SH2D2A: variants seen among roughly 807,000 people sequenced by gnomAD.
The protein encoded by SH2D2A is SH2 domain containing 2A.
In SH2D2A, 33 loss-of-function variants were observed where a neutral mutation model predicts 43.6. The observed-to-expected ratio is 0.76, with a 90% CI of 0.57 to 1.01. SH2D2A has a LOEUF of 1.01. Ranked by LOEUF, SH2D2A falls within the 50% of genes least tolerant of loss-of-function variation. SH2D2A has a pLI of 0.00. For missense variants in SH2D2A, 491 were observed against 503.1 expected (o/e 0.98, Z 0.23); for synonymous variants, 212 against 206.1 (o/e 1.03, Z -0.25).
intron 1 of SH2D2A, 37 bp downstream of exon 1, chr1:156,816,638 G>A (rs761379934): frequency 6.3e-7 from 1 of 1,589,158 alleles, no homozygotes; most frequent in East Asian, 2.3e-5. Context: ...GGGTCTTTGT[G>A]CCCCCTCCCA....
Position 156,813,851 on chromosome 1 carries a change from T to A in SH2D2A, c.564A>T (p.Arg188=). ...YGETLTEPLA[R]QTPEPAGLSL... Reference sequence around the variant, plus strand: ...GGTCAGGGTCTGGGGCGCGTACCTGTCGGGCGAGGGGCTCGGTGAGCGTCT... The same window carrying A: ...GGTCAGGGTCTGGGGCGCGTACCTGACGGGCGAGGGGCTCGGTGAGCGTCT... Residue 188 remains arginine (R), a synonymous_variant, in exon 5 of 9, where the codon CGA becomes CGT. Coordinates refer to ENST00000368199, the MANE Select transcript of SH2D2A (RefSeq NM_003975.4). 3 of 1,482,836 alleles carry A rather than the reference T, an allele frequency of 2.0e-6. No individual in the cohort carries two copies. The highest frequency in any genetic ancestry group is 2.7e-6 in the Non-Finnish European group (3 of 1,116,286). The allele number at this position is 1,482,836 out of a possible 1,614,324, so 91.9% of individuals were successfully genotyped here.
Position 156,814,953 on chromosome 1 carries a change from T to C in SH2D2A, c.308+84A>G, listed in dbSNP as rs930610580. ...TCCAGACTGGTAGAAGTGGGAGCCT[T>C]CATCTATTCCTGGCAGGTGGCAGGA... On this transcript the variant is annotated intron_variant, in intron 3 of 8. Transcript: ENST00000368199. 2.4e-6 allele frequency: 3 copies of C among 1,234,086 alleles called. No homozygotes were observed. The African/African-American group carries it at 4.7e-5, about 19-fold the overall frequency. 76.4% of individuals were successfully genotyped at this position (1,234,086 alleles called of 1,614,324 possible).
rs575062853 is a variant in SH2D2A, at chr1:156,806,813, T to C, written c.*4-240A>G. ...TCACTGTCCCTCTCAGGCTATGTTT[T>C]CTTCTCCGCATAGTGAGGGAGCTGA... is the stretch of plus-strand genomic sequence containing the variant. On this transcript the variant is annotated intron_variant, in intron 8 of 8. Transcript: ENST00000368199. Among the ~76,000 whole-genome samples, 28 of 152,346 alleles carry C rather than the reference T, an allele frequency of 1.8e-4. 1 individual carries two copies. The South Asian group carries it at 5.8e-3, about 32-fold the overall frequency.
rs1264089584 is a variant in SH2D2A at position 156,815,939 on chromosome 1, C to T, written c.123+67G>A. 3.1e-6 allele frequency: 5 copies of T among 1,606,290 alleles called. No homozygotes were observed. In the African/African-American group the frequency reaches 6.7e-5, roughly 22 times the overall value. On this transcript the variant is annotated intron_variant, in intron 2 of 8. Coordinates refer to ENST00000368199, the MANE Select transcript of SH2D2A (RefSeq NM_003975.4). ...AGTGGCCTTTGTCCATCTGCAAGTC[C>T]TTCCCCATGGGAGGGTGGGAGAGAT...
chr1:156,814,926 A>G, intron 3 of SH2D2A, 111 bp downstream of exon 3: 1 of 989,656 alleles, frequency 1.0e-6, no homozygotes, highest in Non-Finnish European at 1.4e-6. Flanking sequence ...GCCTCCATCT[A>G]CTCCAGACTG....
Position 156,809,114 on chromosome 1 carries a change from G to T in SH2D2A, c.1002+89C>A. 7.4e-7 allele frequency: 1 copy of T among 1,359,428 alleles called. No homozygotes were observed. The highest frequency in any genetic ancestry group is 1.0e-6 in the Non-Finnish European group (1 of 985,376). 84.2% of individuals were successfully genotyped at this position (1,359,428 alleles called of 1,614,324 possible). ...CACCTCTGCCCCTTACCCTGCCCCA[G>T]GCATCCACTCTGAACACCTTCTTCA... On this transcript the variant is annotated intron_variant, in intron 7 of 8. Transcript: ENST00000368199. The surrounding 1 kb of genome is among the most constrained non-coding windows in gnomAD (Gnocchi z 4.8).
At chr1:156,814,049 C>T in intron 4 of SH2D2A, 33 bp from the exon 5 acceptor site, 1 of 1,491,996 alleles carries the variant, frequency 6.7e-7, no homozygotes, top group Non-Finnish European at 8.9e-7. Flanking sequence ...AGACTATCTC[C>T]CGCTCCTCGG....
At position 156,809,752 on chromosome 1, in the gene SH2D2A, T is replaced by C; in HGVS notation, c.623A>G (p.Lys208Arg). 1 of 1,614,098 alleles carries C rather than the reference T, an allele frequency of 6.2e-7. No homozygotes were observed. The highest frequency in any genetic ancestry group is 8.5e-7 in the Non-Finnish European group (1 of 1,180,004). ...LRTEESNFGS[K>R]SQDPNPQYSP... ...GTACTGGGGGTTTGGGTCCTGGCTT[T>C]TGCTTCCAAAGTTTGATTCTTCGGT... Residue 208 changes from lysine (K) to arginine (R), a missense_variant, in exon 6 of 9, where the codon AAA becomes AGA. Physicochemically the swap from Lys to Arg is conservative, Grantham distance 26 (BLOSUM62 2). Coordinates refer to ENST00000368199, the MANE Select transcript of SH2D2A (RefSeq NM_003975.4). The surrounding 1 kb of genome is among the most constrained non-coding windows in gnomAD (Gnocchi z 4.8).
rs751239819 is a variant in SH2D2A, at chr1:156,809,359, C to T, written c.846G>A (p.Glu282=). 3.1e-6 allele frequency: 5 copies of T among 1,614,096 alleles called. No individual in the cohort carries two copies. Among genetic ancestry groups the T allele is most frequent in the South Asian group, 1.1e-5 (1 of 91,074 alleles). ...RPKPSNPIYN[E]PDEPIAFYAM... ...CATAGAAAGCTATGGGTTCATCAGG[C>T]TCATTGTAGATAGGATTGGAGGGCT... The change falls in exon 7 of 9, where the codon GAG becomes GAA. Residue 282 remains glutamate, a synonymous_variant. Transcript: ENST00000368199. The surrounding 1 kb of genome is among the most constrained non-coding windows in gnomAD (Gnocchi z 4.8).
In SH2D2A at chr1:156,809,700, G is replaced by A. The variant is rs1441379381; in HGVS notation, c.675C>T (p.Ala225=). The A allele has an allele frequency of 6.2e-7, 1 of 1,613,876 alleles. No homozygotes were observed. Among genetic ancestry groups the A allele is most frequent in the East Asian group, 2.2e-5 (1 of 44,878 alleles). The change falls in exon 6 of 9, where the codon GCC becomes GCT. Residue 225 remains alanine, a synonymous_variant. Transcript: ENST00000368199. This position sits in a 1 kb window ranked among gnomAD's most constrained non-coding sequence, Gnocchi z 4.8. ...CCCCCTCTTTCTGCATCGGGACTGGGGCTTGCCCCTGTTTGATGATTGGGC... is the reference window on the plus strand; with the variant it reads ...CCCCCTCTTTCTGCATCGGGACTGGAGCTTGCCCCTGTTTGATGATTGGGC... ...QYSPIIKQGQ[A]PVPMQKEGAG...
rs1328385393 is a variant in SH2D2A at position 156,816,730 on chromosome 1, C to A, written c.-22G>T. Reference sequence around the variant, plus strand: ...CCATGAGGGCAGCCTCACAAGGGATCCCAGAGCAGGGTGTGTGTATGTGTT... The same window carrying A: ...CCATGAGGGCAGCCTCACAAGGGATACCAGAGCAGGGTGTGTGTATGTGTT... On this transcript the variant is annotated 5_prime_UTR_variant, in exon 1 of 9. Transcript: ENST00000368199. 1 of 1,589,470 alleles carries A rather than the reference C, an allele frequency of 6.3e-7. No individual in the cohort carries two copies. Among genetic ancestry groups the A allele is most frequent in the East Asian group, 2.3e-5 (1 of 42,882 alleles).
At chr1:156,814,450 G>A (rs1571623064) in intron 3 of SH2D2A, 156 bp from the exon 4 acceptor site, 8 of 1,349,784 alleles carry the variant, frequency 5.9e-6, no homozygotes, top group Non-Finnish European at 8.0e-6. Context: ...GAGCACGTGG[G>A]CGCTGCTCTC....
intron 2 of SH2D2A, 121 bp downstream of exon 2, chr1:156,815,885 A>G: frequency 6.2e-7 from 1 of 1,613,964 alleles, no homozygotes; most frequent in African/African-American, 1.3e-5. Context: ...GCCCGTTGGC[A>G]GACCCGGATC....
intron 2 of SH2D2A, chr1:156,815,531 T>G: frequency 1.7e-6 from 1 of 599,626 alleles, no homozygotes; most frequent in Non-Finnish European, 3.0e-6. Flanking sequence ...ATGGACAGAG[T>G]CATTCCCTGG....
In SH2D2A at chr1:156,807,061, C is replaced by T; in HGVS notation, c.*3+114G>A. 2.0e-6 allele frequency: 2 copies of T among 995,050 alleles called. No individual in the cohort carries two copies. The highest frequency in any genetic ancestry group is 3.1e-6 in the Non-Finnish European group (2 of 651,388). 61.6% of individuals were successfully genotyped at this position (995,050 alleles called of 1,614,324 possible). A position where few individuals can be genotyped will look rare whatever the true frequency, so the allele number is the denominator to read the frequency against. ...AATAGATGATGGCTGAGCTCCTTTC[C>T]AGCTTTGAACACCTATGGTTTATTC... is the stretch of plus-strand genomic sequence containing the variant. On this transcript the variant is annotated intron_variant, in intron 8 of 8. Transcript: ENST00000368199. This position sits in a 1 kb window ranked among gnomAD's most constrained non-coding sequence, Gnocchi z 5.1.
Position 156,816,045 on chromosome 1 carries a change from G to A in SH2D2A, c.84C>T (p.Asp28=), listed in dbSNP as rs146503193. The A allele has an allele frequency of 1.2e-4, 186 of 1,613,974 alleles. No homozygotes were observed. The highest frequency in any genetic ancestry group is 1.3e-4 in the Non-Finnish European group (155 of 1,179,974). The change falls in exon 2 of 9, where the codon GAC becomes GAT. Residue 28 remains aspartate (D), a synonymous_variant. Transcript: ENST00000368199. ...GGTTCTGGCAGCTCCTGCGGGTCAT[G>A]TCTGTGATCTGGAAGGTGCTGAAGG... ...IPTFSTFQIT[D]MTRRSCQNLG...
rs533916257 is a variant in SH2D2A, at chr1:156,813,858, A to C, written c.557T>G (p.Leu186Arg). Residue 186 changes from leucine to arginine, a missense_variant, in exon 5 of 9, where the codon CTC (leucine) becomes CGC (arginine). Coordinates refer to ENST00000368199, the MANE Select transcript of SH2D2A (RefSeq NM_003975.4). ...GTCTGGGGCGCGTACCTGTCGGGCG[A>C]GGGGCTCGGTGAGCGTCTCCCCGTA... is the stretch of plus-strand genomic sequence containing the variant. The part of the protein sequence containing the change: ...SPYGETLTEP[L>R]ARQTPEPAGL... 7.7e-5 allele frequency: 115 copies of C among 1,494,818 alleles called. No individual in the cohort carries two copies. The highest frequency in any genetic ancestry group is 6.1e-4 in the South Asian group (47 of 77,308). The allele number at this position is 1,494,818 out of a possible 1,614,324, so 92.6% of individuals were successfully genotyped here. A position where few individuals can be genotyped will look rare whatever the true frequency, so the allele number is the denominator to read the frequency against.
In SH2D2A at chr1:156,806,368, C is replaced by CA. The variant is rs1652968343; in HGVS notation, c.*208dup. The CA allele has an allele frequency of 6.6e-6, 1 of 152,392 alleles. No homozygotes were observed. Among genetic ancestry groups the CA allele is most frequent in the Non-Finnish European group, 1.5e-5 (1 of 68,174 alleles). The allele number at this position is 152,392 out of a possible 1,614,324, so 9.4% of individuals were successfully genotyped here. On this transcript the variant is annotated 3_prime_UTR_variant, in exon 9 of 9. Coordinates refer to ENST00000368199, the MANE Select transcript of SH2D2A (RefSeq NM_003975.4). ...GCAGCATTGGACCAGGGCCCAGACT[C>CA]AAAAGGCTCAGAGGGCCAAGGAAAT...
chr1:156,812,681 G>A (rs1026044083), intron 5 of SH2D2A, among the ~76,000 whole-genome samples: 9 of 152,184 alleles, frequency 5.9e-5, no homozygotes, highest in African/African-American at 1.9e-4. Flanking sequence ...GCAGAGGCAG[G>A]TGCCTCCAGG....
Sources: gnomAD v4.1 joint callset for allele counts (sites outside exome capture counted in the v4.1 genomes callset) on GRCh38, gnomAD v4.1.1 for gene constraint, Gnocchi (gnomAD v3.1) non-coding constraint, MANE v1.5 for transcripts, NCBI Gene and HGNC (gene_info 2026-07-23, HGNC 2026-07-21) for gene names.